The following MYO16 variants were observed in gnomAD, a reference collection of about 807,000 sequenced individuals.
The protein encoded by MYO16 is unconventional myosin-XVI.
Under a neutral mutation model 205.3 loss-of-function variants are expected in MYO16, and 94 were observed. The ratio of observed to expected loss-of-function variants is 0.46; its 90% confidence interval spans 0.39 to 0.54. MYO16 has a LOEUF of 0.54. MYO16 is among the 20% of genes least tolerant of loss of function. MYO16 has a pLI of 0.00. For missense variants in MYO16, 2,315 were observed against 2,387.5 expected (o/e 0.97, Z 0.63); for synonymous variants, 988 against 954.0 (o/e 1.04, Z -0.66).
rs1336974285 is a variant in MYO16 at position 109,162,840 on chromosome 13, G to A, written c.5165-2061G>A. Among the ~76,000 whole-genome samples the A allele has an allele frequency of 6.6e-6, 1 of 152,078 alleles. No individual in the cohort carries two copies. The highest frequency in any genetic ancestry group is 2.4e-5 in the African/African-American group (1 of 41,398). ...GAACCTGTTTTACTGGCATTCGGAA[G>A]CTTAACAGAAATAAAAAAAAGCCAA... On this transcript the variant is annotated intron_variant, in intron 32 of 34. Transcript: ENST00000457511. The surrounding 1 kb of genome is among the most constrained non-coding windows in gnomAD (Gnocchi z 4.6).
chr13:108,687,425 C>T (rs1882722578), intron 2 of MYO16, among the ~76,000 whole-genome samples: 1 of 152,190 alleles, frequency 6.6e-6, no homozygotes, highest in African/African-American at 2.4e-5. Flanking sequence ...CTTGTCACTT[C>T]TCCCTCCAGA....
chr13:108,637,235 C>T (rs766182224), intron 1 of MYO16, among the ~76,000 whole-genome samples: 3 of 152,188 alleles, frequency 2.0e-5, no homozygotes, highest in South Asian at 2.1e-4. Context: ...TGTTTTGCTC[C>T]GTGTTGACGT....
At chr13:109,022,243 TTATA>T (rs1465172983) in intron 23 of MYO16, among the ~76,000 whole-genome samples, 6 of 131,792 alleles carry the variant, frequency 4.6e-5, no homozygotes, top group Admixed American at 8.0e-5. Context: ...ATGTATATAT[TTATA>T]TATACAAATA....
chr13:108,956,335 C>T (rs1045306518), intron 16 of MYO16, among the ~76,000 whole-genome samples: 2 of 152,078 alleles, frequency 1.3e-5, no homozygotes, highest in African/African-American at 4.8e-5. Context: ...CTCTCCCCAT[C>T]CGTCCTCTTC....
chr13:109,065,584 G>C (rs550538731), intron 27 of MYO16: 6 of 473,374 alleles, frequency 1.3e-5, no homozygotes, highest in African/African-American at 1.0e-4. Flanking sequence ...CCCTACAGGA[G>C]ATGTTTTATA....
At chr13:108,593,156 C>A (rs1426549822), upstream of MYO16, among the ~76,000 whole-genome samples, 1 of 152,024 alleles carries the variant, frequency 6.6e-6, no homozygotes, top group African/African-American at 2.4e-5. Flanking sequence ...AGTAGTGAAG[C>A]GGGGGTGAAT....
intron 4 of MYO16, among the ~76,000 whole-genome samples, chr13:108,776,118 G>A (rs1476750682): frequency 1.3e-5 from 2 of 152,128 alleles, no homozygotes; most frequent in African/African-American, 4.8e-5. Context: ...TTTGTATCAA[G>A]GTGTTATCTC....
intron 10 of MYO16, among the ~76,000 whole-genome samples, chr13:108,846,515 T>C (rs1335617344): frequency 1.1e-5 from 1 of 89,012 alleles, no homozygotes; most frequent in Non-Finnish European, 2.6e-5. Flanking sequence ...TGTATATACA[T>C]ATATCCTTTG....
intron 32 of MYO16, among the ~76,000 whole-genome samples, chr13:109,146,439 A>G (rs1877333994): frequency 6.6e-6 from 1 of 151,774 alleles, no homozygotes; most frequent in African/African-American, 2.4e-5. Context: ...TTTCATCTCT[A>G]CTCCTGCCCA....
the MYO16 span, among the ~76,000 whole-genome samples, chr13:108,555,306 A>C: frequency 6.6e-6 from 1 of 152,194 alleles, no homozygotes; most frequent in South Asian, 2.1e-4. Context: ...ACATTTTTTA[A>C]AATTTATTTT....
intron 21 of MYO16, among the ~76,000 whole-genome samples, chr13:109,007,397 G>GAA (rs1269459084): frequency 7.7e-6 from 1 of 129,630 alleles, no homozygotes. Flanking sequence ...CAAAAAAAAA[G>GAA]AAAAAAAAAA....
At chr13:108,942,138 C>T (rs1372771834) in intron 16 of MYO16, among the ~76,000 whole-genome samples, 1 of 152,210 alleles carries the variant, frequency 6.6e-6, no homozygotes, top group Non-Finnish European at 1.5e-5. Context: ...TGTGACAGTG[C>T]AGCTGGTGCT....
chr13:108,535,813 C>T, the MYO16 span, among the ~76,000 whole-genome samples: 1 of 152,108 alleles, frequency 6.6e-6, no homozygotes, highest in Non-Finnish European at 1.5e-5. Context: ...TAACTATAGA[C>T]CCAGCTGCTT....
intron 14 of MYO16, among the ~76,000 whole-genome samples, chr13:108,889,542 G>A (rs78954665): frequency 0.026 from 3,985 of 152,232 alleles, 310 homozygotes; most frequent in East Asian, 0.23. Flanking sequence ...GCTAACAGTG[G>A]GGGGAACAGA....
chr13:108,806,738 T>TG lies in MYO16; in HGVS notation c.803dup (p.Asp269ArgfsTer7), dbSNP rs1887126602. The stretch of plus-strand genomic sequence containing the variant: ...TGGTGTCTCTTATCCTGGAACATGG[T>TG]GGAGACCTCAACATAGTAGATGATC... On this transcript the variant is annotated frameshift_variant, in exon 7 of 35. Transcript: ENST00000457511. LOFTEE classifies it high-confidence loss of function. 1 of 1,613,120 alleles carries TG rather than the reference T, an allele frequency of 6.2e-7. No homozygotes were observed.
the MYO16 span, among the ~76,000 whole-genome samples, chr13:108,575,984 G>A: frequency 6.6e-6 from 1 of 152,048 alleles, no homozygotes; most frequent in Non-Finnish European, 1.5e-5. Flanking sequence ...AAATCTAGCT[G>A]GGGCTGGAAG....
chr13:108,735,433 A>G (rs898551988), intron 4 of MYO16, among the ~76,000 whole-genome samples: 1 of 83,312 alleles, frequency 1.2e-5, no homozygotes, highest in Non-Finnish European at 3.2e-5. Context: ...CCTACAAAGG[A>G]CATGAACTCA....
chr13:108,645,694 A>T (rs1198516040), intron 1 of MYO16, among the ~76,000 whole-genome samples: 1 of 152,214 alleles, frequency 6.6e-6, no homozygotes, highest in African/African-American at 2.4e-5. Flanking sequence ...GACTGGAATT[A>T]CATGGAGGGT....
At chr13:109,186,507 T>C (rs1536781) in intron 34 of MYO16, among the ~76,000 whole-genome samples, 74,583 of 151,976 alleles carry the variant, frequency 0.49, 19,066 homozygotes, top group African/African-American at 0.6. Flanking sequence ...TCAGTGCCAA[T>C]ATGCAGGTCA....
Sources: allele counts gnomAD v4.1 joint callset (sites outside exome capture counted in the v4.1 genomes callset), GRCh38; gene constraint gnomAD v4.1.1; non-coding constraint Gnocchi (gnomAD v3.1); transcripts MANE v1.5; gene names NCBI Gene and HGNC (gene_info 2026-07-23, HGNC 2026-07-21).